The following RGL1 variants were observed in gnomAD, a reference collection of about 807,000 sequenced individuals.
RGL1 encodes the protein ral guanine nucleotide dissociation stimulator like 1.
RGL1 carries 24 observed loss-of-function variants against 95.2 expected under a neutral mutation model. That is an observed-to-expected ratio of 0.25 (90% CI 0.18 to 0.35). The LOEUF (loss-of-function observed/expected upper bound fraction) is 0.35. Ranked by LOEUF, RGL1 falls within the 10% of genes least tolerant of loss-of-function variation. RGL1 has a pLI of 1.00. For missense variants in RGL1, 715 were observed against 936.3 expected, an observed-to-expected ratio of 0.76 and a Z score of 3.08; for synonymous variants, 329 against 344.9, an observed-to-expected ratio of 0.95 and a Z score of 0.51.
Position 183,880,665 on chromosome 1 carries a change from T to G in RGL1, c.475T>G (p.Phe159Val). 1 of 1,613,938 alleles carries G rather than the reference T, an allele frequency of 6.2e-7. No individual in the cohort carries two copies. The highest frequency in any genetic ancestry group is 8.5e-7 in the Non-Finnish European group (1 of 1,179,838). The change falls in exon 5 of 18, where the codon TTC becomes GTC. Residue 159 changes from phenylalanine to valine, a missense_variant. Phe to Val is a conservative substitution (Grantham distance 50). This residue lies in a region of RGL1 where 381 missense variants were observed against 484.8 expected (regional missense o/e 0.79). Transcript: ENST00000360851. The stretch of plus-strand genomic sequence containing the variant: ...CTGGCTTGACCAGTGTGCAGAAGAC[T>G]TCCGAGAGCCCCCTCACTTCCCTTG... ...RAWLDQCAED[F>V]REPPHFPCLQ...
chr1:183,723,854 T>C (rs1656159428), intron 1 of RGL1, among the ~76,000 whole-genome samples: 1 of 152,176 alleles, frequency 6.6e-6, no homozygotes, highest in East Asian at 1.9e-4. Flanking sequence ...ATGCCACTCC[T>C]TCCCCAAACC....
intron 1 of RGL1, among the ~76,000 whole-genome samples, chr1:183,688,387 G>T (rs1434509375): frequency 6.6e-6 from 1 of 152,026 alleles, no homozygotes; most frequent in African/African-American, 2.4e-5. Flanking sequence ...CATCAGTGAG[G>T]CTTTATGTCT....
chr1:183,810,035 T>A (rs573342732), intron 2 of RGL1, among the ~76,000 whole-genome samples: 23 of 152,220 alleles, frequency 1.5e-4, no homozygotes, highest in Admixed American at 3.3e-4. Flanking sequence ...AACTTGTTAT[T>A]TGTCTTTGGT....
intron 2 of RGL1, among the ~76,000 whole-genome samples, chr1:183,753,686 G>C (rs1020720641): frequency 6.6e-6 from 1 of 152,140 alleles, no homozygotes; most frequent in Non-Finnish European, 1.5e-5. Context: ...CATCTCTCAA[G>C]TTTTCTTGCT....
In RGL1 at chr1:183,842,553, C is replaced by T. The variant is rs187060852; in HGVS notation, c.139-5013C>T. Among the ~76,000 whole-genome samples the T allele has an allele frequency of 7.6e-4, 116 of 152,260 alleles. 2 individuals are homozygous for T. In the East Asian group the frequency reaches 0.014, roughly 19 times the overall value. On this transcript the variant is annotated intron_variant, in intron 2 of 17. Coordinates refer to ENST00000360851, the MANE Select transcript of RGL1 (RefSeq NM_001297671.3). ...TTTTAGATATTTACCCCATAGGACT[C>T]AGACATGTTCTCTTAGAAAAAGCTG...
rs115005808 is a variant in RGL1, at chr1:183,676,773, G to A, written c.-33+40272G>A. Among the ~76,000 whole-genome samples the A allele has an allele frequency of 8.5e-3, 1,244 of 146,194 alleles. 18 individuals are homozygous for A. The highest frequency in any genetic ancestry group is 0.029 in the African/African-American group (1,155 of 40,100). ...TGGCTTTGGAGTCTCTGTTTAGTCAGTGTAAGCCTGCAGATAAGCTGAAGA... is the reference window on the plus strand; with the variant it reads ...TGGCTTTGGAGTCTCTGTTTAGTCAATGTAAGCCTGCAGATAAGCTGAAGA... On this transcript the variant is annotated intron_variant, in intron 1 of 18. Coordinates refer to the RGL1 transcript ENST00000304685.
At chr1:183,860,008 A>G (rs368754569) in intron 3 of RGL1, among the ~76,000 whole-genome samples, 6 of 152,232 alleles carry the variant, frequency 3.9e-5, no homozygotes, top group South Asian at 4.1e-4. Flanking sequence ...TCTGCAGGCT[A>G]TTTCACCCAT....
intron 3 of RGL1, among the ~76,000 whole-genome samples, chr1:183,857,449 A>G (rs1665228011): frequency 6.6e-6 from 1 of 152,190 alleles, no homozygotes; most frequent in African/African-American, 2.4e-5. Flanking sequence ...ACAGATAAGA[A>G]ACAAGGAATT....
chr1:183,865,122 C>T (rs1665748436), intron 3 of RGL1, among the ~76,000 whole-genome samples: 1 of 152,122 alleles, frequency 6.6e-6, no homozygotes, highest in Non-Finnish European at 1.5e-5. Context: ...TTAAAGACTC[C>T]TCCTTAATAA....
chr1:183,784,492 C>T (rs1660055752), intron 2 of RGL1, among the ~76,000 whole-genome samples: 1 of 152,156 alleles, frequency 6.6e-6, no homozygotes. Context: ...ATTTCCAAGC[C>T]AGGAGTCAGA....
intron 15 of RGL1, among the ~76,000 whole-genome samples, chr1:183,913,219 G>A (rs1333780316): frequency 1.0e-5 from 1 of 100,430 alleles, no homozygotes; most frequent in African/African-American, 4.0e-5. Flanking sequence ...TTGAGATGAA[G>A]TCTCACTACT....
chr1:183,796,756 CT>C (rs1184246973), intron 2 of RGL1, among the ~76,000 whole-genome samples: 1 of 152,174 alleles, frequency 6.6e-6, no homozygotes, highest in Non-Finnish European at 1.5e-5. Flanking sequence ...CCAGTAACTC[CT>C]TCCTCAATTT....
intron 4 of RGL1, among the ~76,000 whole-genome samples, chr1:183,878,338 AGGCGTGTAC>A (rs1666639181): frequency 6.6e-6 from 1 of 152,008 alleles, no homozygotes; most frequent in African/African-American, 2.4e-5. Flanking sequence ...CTGGGACTAC[AGGCGTGTAC>A]CACCACACCT....
intron 1 of RGL1, among the ~76,000 whole-genome samples, chr1:183,714,231 C>T (rs1318521128): frequency 6.6e-6 from 1 of 152,208 alleles, no homozygotes; most frequent in Non-Finnish European, 1.5e-5. Flanking sequence ...CTTAACCCTA[C>T]TACTGGGTTT....
intron 16 of RGL1, among the ~76,000 whole-genome samples, chr1:183,920,525 C>T (rs1043755070): frequency 1.3e-5 from 2 of 152,146 alleles, no homozygotes; most frequent in Admixed American, 6.5e-5. Flanking sequence ...AGGGAAAGCC[C>T]TTGGTCATCT....
intron 1 of RGL1, among the ~76,000 whole-genome samples, chr1:183,675,308 T>A (rs1028672776): frequency 6.6e-6 from 1 of 151,956 alleles, no homozygotes; most frequent in East Asian, 1.9e-4. Context: ...TTTTTTTCTC[T>A]TTGTTTTCTT....
At chr1:183,708,195 A>C (rs1036490302) in intron 1 of RGL1, among the ~76,000 whole-genome samples, 33 of 152,142 alleles carry the variant, frequency 2.2e-4, no homozygotes, top group African/African-American at 7.5e-4. Flanking sequence ...TTTATGAGGC[A>C]GTCTAGAGGC....
At chr1:183,850,210 C>T (rs1664749038) in intron 3 of RGL1, among the ~76,000 whole-genome samples, 1 of 152,012 alleles carries the variant, frequency 6.6e-6, no homozygotes, top group Non-Finnish European at 1.5e-5. Flanking sequence ...GCCTATTTTT[C>T]TTTTGGACTC....
At chr1:183,638,842 T>C (rs1435464148) in intron 1 of RGL1, among the ~76,000 whole-genome samples, 1 of 152,218 alleles carries the variant, frequency 6.6e-6, no homozygotes, top group African/African-American at 2.4e-5. Flanking sequence ...TTTTCTGTGA[T>C]GATGCAAACA....
Sources: allele counts gnomAD v4.1 joint callset (sites outside exome capture counted in the v4.1 genomes callset), GRCh38; gene constraint gnomAD v4.1.1; regional missense constraint gnomAD v4.1.1; transcripts MANE v1.5; gene names NCBI Gene and HGNC (gene_info 2026-07-23, HGNC 2026-07-21).